Variants in SCN11A observed in about 807,000 individuals in gnomAD.
SCN11A encodes the protein sodium channel protein type 11 subunit alpha.
In SCN11A, 122 loss-of-function variants were observed where a neutral mutation model predicts 162.2. The ratio of observed to expected loss-of-function variants is 0.75; its 90% CI spans 0.65 to 0.87. SCN11A has a LOEUF of 0.87. Ranked by LOEUF, SCN11A falls within the 40% of genes least tolerant of loss-of-function variation. The probability of loss-of-function intolerance (pLI) is 0.00; values close to 1 mark genes in which losing one functional copy is unlikely to be tolerated. For missense variants in SCN11A, 2,015 were observed against 2,181.6 expected, an observed-to-expected ratio of 0.92 and a Z score of 1.52; for synonymous variants, 758 against 751.5, an observed-to-expected ratio of 1.01 and a Z score of -0.14.
At chr3:38,951,279 G>C (rs895630856) in intron 4 of SCN11A, among the ~76,000 whole-genome samples, 2 of 152,248 alleles carry the variant, frequency 1.3e-5, no homozygotes, top group Non-Finnish European at 2.9e-5. Flanking sequence ...CGGGCAGTGA[G>C]GGGCTTGGCA....
intron 1 of SCN11A, among the ~76,000 whole-genome samples, chr3:39,040,336 C>A (rs1022403868): frequency 5.3e-5 from 8 of 152,190 alleles, no homozygotes; most frequent in African/African-American, 1.9e-4. Flanking sequence ...AAAGCCAAAG[C>A]ACCTTATGCA....
chr3:38,970,260 C>G (rs1247841747), intron 2 of SCN11A, among the ~76,000 whole-genome samples: 1 of 152,152 alleles, frequency 6.6e-6, no homozygotes, highest in East Asian at 1.9e-4. Context: ...AGGAATGAAA[C>G]AGATTTCAAT....
At chr3:39,022,213 G>A (rs745452102) in intron 2 of SCN11A, among the ~76,000 whole-genome samples, 9 of 152,182 alleles carry the variant, frequency 5.9e-5, no homozygotes, top group Non-Finnish European at 1.2e-4. Flanking sequence ...TTTTGTCCCT[G>A]GGACTCATGG....
chr3:39,001,751 T>C (rs934758908), intron 2 of SCN11A, among the ~76,000 whole-genome samples: 8 of 151,494 alleles, frequency 5.3e-5, no homozygotes, highest in African/African-American at 1.2e-4. Context: ...AACACTATTA[T>C]TGGCCGGGCG....
At chr3:38,971,425 C>T (rs1216386600) in intron 2 of SCN11A, among the ~76,000 whole-genome samples, 1 of 152,158 alleles carries the variant, frequency 6.6e-6, no homozygotes, top group Non-Finnish European at 1.5e-5. Context: ...AAAGAGCAAG[C>T]AGGCAGGTAA....
In SCN11A at chr3:38,950,151, C is replaced by G. The variant is rs778803012; in HGVS notation, c.212G>C (p.Arg71Pro). The change falls in exon 5 of 30, where the codon CGT (arginine) becomes CCT (proline). Residue 71 changes from arginine (R) to proline (P), a missense_variant. Physicochemically the swap from Arg to Pro is moderately radical, Grantham distance 103 (BLOSUM62 -2). Transcript: ENST00000302328. ...TTCCAGAGGCTTTCCTATGAGCTCA[C>G]GAGGAATGTCGCCATAGAGCTTGGG... ...KLPKLYGDIP[R>P]ELIGKPLEDL... 5.6e-6 allele frequency: 9 copies of G among 1,605,986 alleles called. No homozygotes were observed. The South Asian group carries it at 9.9e-5, about 18-fold the overall frequency.
intron 19 of SCN11A, among the ~76,000 whole-genome samples, chr3:38,891,781 G>A (rs1295492700): frequency 2.6e-5 from 4 of 152,132 alleles, no homozygotes; most frequent in African/African-American, 9.7e-5. Context: ...CACAATAACA[G>A]CATTAATCCA....
chr3:38,914,355 C>G (rs2065929072), intron 11 of SCN11A, among the ~76,000 whole-genome samples: 1 of 152,072 alleles, frequency 6.6e-6, no homozygotes. Flanking sequence ...TGAAACTTTG[C>G]TGAAGTTGTT....
Position 38,954,193 on chromosome 3 carries a change from T to C in SCN11A, c.-138-434A>G, listed in dbSNP as rs191554069. Among the ~76,000 whole-genome samples, 26 of 152,346 alleles carry C rather than the reference T, an allele frequency of 1.7e-4. No homozygotes were observed. The East Asian group carries it at 5.0e-3, about 29-fold the overall frequency. ...TTATTGATAGGTCTGGATGATGGAA[T>C]TCCCCGCACTATTTCAATTTCCCCC... On this transcript the variant is annotated intron_variant, in intron 3 of 29. Coordinates refer to ENST00000302328, the MANE Select transcript of SCN11A (RefSeq NM_001349253.2).
chr3:38,998,294 A>C (rs2030704683), intron 2 of SCN11A, among the ~76,000 whole-genome samples: 1 of 152,214 alleles, frequency 6.6e-6, no homozygotes. Flanking sequence ...TTAAGTTTGA[A>C]GCAAGCAGAT....
intron 2 of SCN11A, among the ~76,000 whole-genome samples, chr3:38,960,640 T>C (rs1165907751): frequency 1.3e-5 from 2 of 152,126 alleles, no homozygotes; most frequent in African/African-American, 2.4e-5. Context: ...CTGATCCAAG[T>C]GGGTGAGGGA....
chr3:38,919,381 T>G (rs2066010034), intron 11 of SCN11A, among the ~76,000 whole-genome samples: 1 of 152,208 alleles, frequency 6.6e-6, no homozygotes, highest in Admixed American at 6.5e-5. Flanking sequence ...TGAAATACAC[T>G]CAATAAATCT....
intron 28 of SCN11A, among the ~76,000 whole-genome samples, chr3:38,851,477 TA>T (rs889606665): frequency 6.6e-6 from 1 of 152,236 alleles, no homozygotes; most frequent in African/African-American, 2.4e-5. Context: ...GTACAGGTCC[TA>T]ACTCAAGTTT....
intron 2 of SCN11A, among the ~76,000 whole-genome samples, chr3:38,971,387 C>T (rs1214502618): frequency 6.6e-6 from 1 of 152,152 alleles, no homozygotes; most frequent in Non-Finnish European, 1.5e-5. Flanking sequence ...AAGAGGCTCA[C>T]AGGCCAGGTG....
At chr3:38,911,115 G>T (rs1041000089) in intron 11 of SCN11A, among the ~76,000 whole-genome samples, 1 of 151,998 alleles carries the variant, frequency 6.6e-6, no homozygotes, top group Non-Finnish European at 1.5e-5. Context: ...ATTGTAGTTC[G>T]TGTTGATTAA....
intron 2 of SCN11A, among the ~76,000 whole-genome samples, chr3:39,019,972 A>G (rs2031403035): frequency 6.6e-6 from 1 of 152,206 alleles, no homozygotes; most frequent in African/African-American, 2.4e-5. Flanking sequence ...GCTGTGGTGA[A>G]GCAGACCCCA....
intron 2 of SCN11A, among the ~76,000 whole-genome samples, chr3:38,985,028 A>T (rs1370083294): frequency 6.6e-6 from 1 of 150,518 alleles, no homozygotes; most frequent in Non-Finnish European, 1.5e-5. Context: ...AGGCTGCAGC[A>T]GACTATTTCA....
intron 23 of SCN11A, among the ~76,000 whole-genome samples, chr3:38,873,784 A>C (rs920340904): frequency 2.0e-5 from 3 of 152,224 alleles, no homozygotes; most frequent in Non-Finnish European, 2.9e-5. Context: ...TCAAGTGAGA[A>C]GTCTTCTACT....
chr3:38,929,003 T>C (rs1331601346), intron 7 of SCN11A, among the ~76,000 whole-genome samples: 2 of 152,226 alleles, frequency 1.3e-5, no homozygotes, highest in Non-Finnish European at 2.9e-5. Context: ...ATAGCAGCAC[T>C]GTTCATAATA....
Sources: allele counts gnomAD v4.1 joint callset (sites outside exome capture counted in the v4.1 genomes callset), GRCh38; gene constraint gnomAD v4.1.1; transcripts MANE v1.5; gene names NCBI Gene and HGNC (gene_info 2026-07-23, HGNC 2026-07-21).